Variants in SLC2A9 observed in about 807,000 individuals in gnomAD.
SLC2A9 encodes solute carrier family 2 member 9.
A neutral mutation model predicts 50.6 loss-of-function variants in SLC2A9; 39 were observed. That is an observed-to-expected ratio of 0.77 (90% CI 0.60 to 1.01). The LOEUF (loss-of-function observed/expected upper bound fraction) is 1.01. Ranked by LOEUF, SLC2A9 falls within the 50% of genes least tolerant of loss-of-function variation. The probability of loss-of-function intolerance (pLI) is 0.00; values close to 1 mark genes in which losing one functional copy is unlikely to be tolerated. For missense variants in SLC2A9, 686 were observed against 677.6 expected (o/e 1.01, Z -0.14); for synonymous variants, 324 against 276.9 (o/e 1.17, Z -1.69).
Position 9,890,598 on chromosome 4 carries a change from A to C in SLC2A9, c.1215+12T>G, listed in dbSNP as rs996253772. 6.2e-7 allele frequency: 1 copy of C among 1,613,462 alleles called. No homozygotes were observed. On this transcript the variant is annotated intron_variant, in intron 9 of 11. Coordinates refer to ENST00000264784, the MANE Select transcript of SLC2A9 (RefSeq NM_020041.3). ...CTTATCTCCCTCAAATGTGACAAGA[A>C]CATCGTCTCACCTGCAGGGTCAGCG...
intron 1 of SLC2A9, among the ~76,000 whole-genome samples, chr4:10,030,741 G>T (rs1435806541): frequency 6.6e-6 from 1 of 152,124 alleles, no homozygotes; most frequent in Non-Finnish European, 1.5e-5. Flanking sequence ...ATGCTAAAAG[G>T]CCTTTCCCAT....
At chr4:9,887,951 A>G (rs1736597110) in intron 9 of SLC2A9, among the ~76,000 whole-genome samples, 1 of 152,178 alleles carries the variant, frequency 6.6e-6, no homozygotes, top group South Asian at 2.1e-4. Flanking sequence ...ATCAGGCAAT[A>G]TGAGCAATTT....
At chr4:9,960,349 T>C (rs1442191996) in intron 5 of SLC2A9, among the ~76,000 whole-genome samples, 8 of 152,146 alleles carry the variant, frequency 5.3e-5, no homozygotes, top group Non-Finnish European at 1.0e-4. Context: ...TACAAGTAAG[T>C]TAATACAAAA....
intron 5 of SLC2A9, among the ~76,000 whole-genome samples, chr4:9,963,525 GACC>G (rs1439525981): frequency 2.0e-5 from 3 of 152,188 alleles, no homozygotes; most frequent in Admixed American, 2.0e-4. Flanking sequence ...ACACGCGGAT[GACC>G]ACCTGACCAC....
chr4:9,912,808 T>C (rs1742091343), intron 7 of SLC2A9, among the ~76,000 whole-genome samples: 1 of 152,216 alleles, frequency 6.6e-6, no homozygotes, highest in African/African-American at 2.4e-5. Flanking sequence ...AAAGGGACTT[T>C]GCAGATATGT....
intron 2 of SLC2A9, among the ~76,000 whole-genome samples, chr4:9,998,650 A>C (rs1309344182): frequency 1.3e-5 from 2 of 151,394 alleles, no homozygotes; most frequent in African/African-American, 4.9e-5. Context: ...CTTCTAGAAA[A>C]CTCCCCTGAA....
At chr4:9,881,659 C>T (rs1467987700) in intron 10 of SLC2A9, among the ~76,000 whole-genome samples, 1 of 152,184 alleles carries the variant, frequency 6.6e-6, no homozygotes, top group Non-Finnish European at 1.5e-5. Flanking sequence ...ACAAACTAGG[C>T]CAGGGACCAA....
chr4:9,912,563 T>G (rs906094127), intron 7 of SLC2A9, among the ~76,000 whole-genome samples: 1 of 152,170 alleles, frequency 6.6e-6, no homozygotes, highest in Non-Finnish European at 1.5e-5. Context: ...CCCTCCACAG[T>G]TGGGCATGCC....
intron 11 of SLC2A9, among the ~76,000 whole-genome samples, chr4:9,829,472 A>AG (rs1316681789): frequency 9.2e-4 from 1 of 1,088 alleles, no homozygotes; most frequent in East Asian, 3.1e-3. Flanking sequence ...CAAAAATGTC[A>AG]AAAAAAAAAA....
chr4:9,907,564 A>G (rs2109972715), intron 8 of SLC2A9, among the ~76,000 whole-genome samples: 1 of 152,282 alleles, frequency 6.6e-6, no homozygotes, highest in African/African-American at 2.4e-5. Context: ...AAACTCCCAC[A>G]TGTCTGGGGT....
At chr4:9,873,553 C>A (rs567791967) in intron 10 of SLC2A9, among the ~76,000 whole-genome samples, 3 of 152,318 alleles carry the variant, frequency 2.0e-5, no homozygotes, top group African/African-American at 7.2e-5. Flanking sequence ...TCTTTTCTTG[C>A]AACTTTGCCA....
chr4:9,804,371 G>A (rs1047376756), intron 3 of SLC2A9, among the ~76,000 whole-genome samples: 1 of 151,962 alleles, frequency 6.6e-6, no homozygotes, highest in East Asian at 1.9e-4. Flanking sequence ...TCTTTAAATG[G>A]CCCTCAACTC....
At chr4:9,787,705 C>G (rs1165846065) in intron 3 of SLC2A9, among the ~76,000 whole-genome samples, 1 of 152,192 alleles carries the variant, frequency 6.6e-6, no homozygotes, top group African/African-American at 2.4e-5. Context: ...TGACACGGAC[C>G]TTTGTGAAGA....
chr4:9,955,688 A>AT (rs1223044320), intron 5 of SLC2A9, among the ~76,000 whole-genome samples: 4 of 151,330 alleles, frequency 2.6e-5, no homozygotes, highest in African/African-American at 9.7e-5. Context: ...CCCTCGTCAA[A>AT]TTTTTTCTTC....
Position 9,910,985 on chromosome 4 carries a change from C to G in SLC2A9, c.1003-2640G>C, listed in dbSNP as rs143519156. On this transcript the variant is annotated intron_variant, in intron 7 of 11. Coordinates refer to ENST00000264784, the MANE Select transcript of SLC2A9 (RefSeq NM_020041.3). ...GAAACAGAGAGGGGAACATCATACA[C>G]CAGGGCCTGTTGGGGTGTGGGGGGG... is the stretch of plus-strand genomic sequence containing the variant. 3.2e-4 allele frequency among the ~76,000 whole-genome samples: 45 copies of G among 142,670 alleles called. 2 individuals are homozygous for G. In the East Asian group the frequency reaches 8.6e-3, roughly 27 times the overall value. 93.6% of individuals were successfully genotyped at this position (142,670 alleles called of 152,430 possible).
chr4:9,890,190 C>G (rs1323917463), intron 9 of SLC2A9, among the ~76,000 whole-genome samples: 1 of 152,184 alleles, frequency 6.6e-6, no homozygotes, highest in African/African-American at 2.4e-5. Flanking sequence ...GGCTCCAGAG[C>G]CACTGTTCCT....
At chr4:9,947,238 C>T (rs966077102) in intron 5 of SLC2A9, among the ~76,000 whole-genome samples, 2 of 152,186 alleles carry the variant, frequency 1.3e-5, no homozygotes, top group Non-Finnish European at 2.9e-5. Flanking sequence ...CTTGGGACCA[C>T]CCACTCGTCC....
intron 10 of SLC2A9, among the ~76,000 whole-genome samples, chr4:9,868,732 G>A (rs1023058720): frequency 1.4e-4 from 21 of 152,160 alleles, no homozygotes; most frequent in African/African-American, 5.1e-4. Context: ...CATAAGCCCA[G>A]AGCAGAACTT....
intron 3 of SLC2A9, among the ~76,000 whole-genome samples, chr4:9,819,709 A>G (rs1211942511): frequency 6.6e-6 from 1 of 152,220 alleles, no homozygotes. Flanking sequence ...CAAGGCGTGC[A>G]GACCACCTGC....
Sources: allele counts gnomAD v4.1 joint callset (sites outside exome capture counted in the v4.1 genomes callset), GRCh38; gene constraint gnomAD v4.1.1; transcripts MANE v1.5; gene names NCBI Gene and HGNC (gene_info 2026-07-23, HGNC 2026-07-21).